Variants in LYRM4 observed in about 807,000 individuals in gnomAD.
The protein encoded by LYRM4 is LYR motif containing 4.
Under a neutral mutation model 11.7 loss-of-function variants are expected in LYRM4, and 9 were observed. The observed-to-expected ratio is 0.77, with a 90% CI of 0.46 to 1.34. LYRM4 has a LOEUF of 1.34. LYRM4 is among the 40% of genes most tolerant of loss of function. The pLI, the probability that LYRM4 is intolerant of heterozygous loss-of-function variation, is 0.00. For synonymous variants in LYRM4, 42 were observed against 40.4 expected (o/e 1.04, Z -0.15); for missense variants, 133 against 112.5 (o/e 1.18, Z -0.82).
intron 2 of LYRM4, among the ~76,000 whole-genome samples, chr6:5,176,867 T>G (rs1250528334): frequency 6.6e-6 from 1 of 152,238 alleles, no homozygotes; most frequent in Non-Finnish European, 1.5e-5. Context: ...GTATAAGTTC[T>G]GAAAGCTCCT....
chr6:5,067,879 T>C, the LYRM4 span, among the ~76,000 whole-genome samples: 3 of 152,198 alleles, frequency 2.0e-5, no homozygotes, highest in Non-Finnish European at 4.4e-5. Flanking sequence ...AAAAAAAGAT[T>C]ACGTATATAG....
At chr6:5,118,273 C>T (rs551531757) in intron 2 of LYRM4, among the ~76,000 whole-genome samples, 1 of 151,974 alleles carries the variant, frequency 6.6e-6, no homozygotes, top group South Asian at 2.1e-4. Context: ...TGCACCACCA[C>T]ACCTGGCTAA....
At chr6:5,260,608 CT>C in intron 1 of LYRM4, 39 bp downstream of exon 1, 27 of 1,338,008 alleles carry the variant, frequency 2.0e-5, no homozygotes, top group South Asian at 2.5e-5. Context: ...TCCCCGGCCC[CT>C]GGCCCCCCGC....
At chr6:5,113,271 A>T in intron 2 of LYRM4, 1 of 432,434 alleles carries the variant, frequency 2.3e-6, no homozygotes, top group Non-Finnish European at 4.6e-6. Flanking sequence ...TGTCTCTACT[A>T]AAAATATATA....
In LYRM4 at chr6:5,260,748, A is replaced by C; in HGVS notation, c.-15T>G. The stretch of plus-strand genomic sequence containing the variant: ...GAGGCTGCCATTTTGGAAAGAAAAA[A>C]AAATAAACGGGTCCTCTTCGCCGAG... On this transcript the variant is annotated 5_prime_UTR_variant, in exon 1 of 3. Coordinates refer to ENST00000330636, the MANE Select transcript of LYRM4 (RefSeq NM_020408.6). The C allele has an allele frequency of 1.3e-6, 2 of 1,543,914 alleles. No individual in the cohort carries two copies. The highest frequency in any genetic ancestry group is 1.7e-6 in the Non-Finnish European group (2 of 1,146,986).
intron 2 of LYRM4, among the ~76,000 whole-genome samples, chr6:5,117,323 G>A (rs1053161609): frequency 6.6e-6 from 1 of 152,336 alleles, no homozygotes; most frequent in South Asian, 2.1e-4. Flanking sequence ...TTAAGAGCCC[G>A]AGGTGGGTGG....
intron 2 of LYRM4, among the ~76,000 whole-genome samples, chr6:5,152,381 A>G (rs73719706): frequency 0.1 from 15,385 of 152,220 alleles, 958 homozygotes; most frequent in South Asian, 0.23. Flanking sequence ...CAAACAATGA[A>G]TGACACACAT....
intron 2 of LYRM4, among the ~76,000 whole-genome samples, chr6:5,178,914 G>A (rs1759891419): frequency 6.7e-6 from 1 of 149,114 alleles, no homozygotes; most frequent in South Asian, 2.1e-4. Flanking sequence ...TTTACTGGCA[G>A]TTTGAATCCA....
chr6:5,150,439 T>C (rs896457606), intron 2 of LYRM4, among the ~76,000 whole-genome samples: 2 of 152,196 alleles, frequency 1.3e-5, no homozygotes, highest in African/African-American at 2.4e-5. Flanking sequence ...TCTGTGACCA[T>C]GGATACCCTG....
chr6:5,188,672 T>C (rs778697803), intron 2 of LYRM4, among the ~76,000 whole-genome samples: 11 of 152,216 alleles, frequency 7.2e-5, no homozygotes, highest in African/African-American at 9.7e-5. Context: ...CCTCATCTTA[T>C]AGTACTATTG....
chr6:5,146,125 G>A (rs1415032316), intron 2 of LYRM4, among the ~76,000 whole-genome samples: 1 of 152,204 alleles, frequency 6.6e-6, no homozygotes, highest in Non-Finnish European at 1.5e-5. Context: ...AGACCTGCCT[G>A]CCTCAGCACG....
chr6:5,135,895 A>C (rs1300641028), intron 2 of LYRM4, among the ~76,000 whole-genome samples: 1 of 152,216 alleles, frequency 6.6e-6, no homozygotes. Flanking sequence ...CCCTGTAGCC[A>C]TTAAACACTA....
intron 1 of LYRM4, among the ~76,000 whole-genome samples, chr6:5,219,778 G>A (rs1017519200): frequency 2.7e-5 from 4 of 150,524 alleles, no homozygotes; most frequent in Non-Finnish European, 5.9e-5. Flanking sequence ...CCATACCACT[G>A]AGCAAGAATA....
chr6:5,036,812 C>T, the LYRM4 span, among the ~76,000 whole-genome samples: 2 of 152,200 alleles, frequency 1.3e-5, no homozygotes, highest in African/African-American at 4.8e-5. Context: ...AGTCCACTTT[C>T]TCAGGAGACC....
chr6:5,041,598 C>G, the LYRM4 span, among the ~76,000 whole-genome samples: 1 of 152,162 alleles, frequency 6.6e-6, no homozygotes, highest in Admixed American at 6.5e-5. Flanking sequence ...CTTTCACCAT[C>G]CTTTAAACTG....
intron 1 of LYRM4, 39 bp downstream of exon 1, chr6:5,260,605 CCCCT>C: frequency 1.2e-6 from 1 of 822,288 alleles, no homozygotes; most frequent in Non-Finnish European, 1.9e-6. Context: ...CGGTCCCCGG[CCCCT>C]GGCCCCCCGC....
intron 2 of LYRM4, chr6:5,144,227 C>A: frequency 6.5e-7 from 1 of 1,537,052 alleles, no homozygotes; most frequent in Non-Finnish European, 8.7e-7. Context: ...TGCTGTTCCC[C>A]GACTTCCTCC....
intron 2 of LYRM4, among the ~76,000 whole-genome samples, chr6:5,167,821 T>A (rs1005076360): frequency 1.3e-5 from 2 of 152,176 alleles, no homozygotes; most frequent in African/African-American, 2.4e-5. Flanking sequence ...GAATGGGGTA[T>A]ACACCTTTTT....
At chr6:5,219,031 T>G (rs1294769875) in intron 1 of LYRM4, among the ~76,000 whole-genome samples, 1 of 152,218 alleles carries the variant, frequency 6.6e-6, no homozygotes, top group Non-Finnish European at 1.5e-5. Context: ...ATAACATGAA[T>G]TTACCTCCAG....
Sources: allele counts gnomAD v4.1 joint callset (sites outside exome capture counted in the v4.1 genomes callset), GRCh38; gene constraint gnomAD v4.1.1; transcripts MANE v1.5; gene names NCBI Gene and HGNC (gene_info 2026-07-23, HGNC 2026-07-21).